Variants in DLGAP4 observed in about 807,000 individuals in gnomAD.
The protein encoded by DLGAP4 is disks large-associated protein 4.
Under a neutral mutation model 86.9 loss-of-function variants are expected in DLGAP4, and 18 were observed. The observed-to-expected ratio is 0.21, with a 90% confidence interval of 0.14 to 0.31. The LOEUF (loss-of-function observed/expected upper bound fraction) is 0.31. DLGAP4 is among the 10% of genes least tolerant of loss of function. DLGAP4 has a pLI of 1.00. For synonymous variants in DLGAP4, 548 were observed against 574.3 expected, an observed-to-expected ratio of 0.95 and a Z score of 0.65; for missense variants, 1,085 against 1,362.6, an observed-to-expected ratio of 0.80 and a Z score of 3.21.
At chr20:36,479,234 A>G (rs1271658030) in intron 7 of DLGAP4, among the ~76,000 whole-genome samples, 1 of 151,994 alleles carries the variant, frequency 6.6e-6, no homozygotes, top group Non-Finnish European at 1.5e-5. Context: ...CTGCTTGCCA[A>G]GTTGTCTCTT....
At chr20:36,342,786 G>T (rs1191091267) in intron 1 of DLGAP4, among the ~76,000 whole-genome samples, 1 of 152,210 alleles carries the variant, frequency 6.6e-6, no homozygotes, top group Non-Finnish European at 1.5e-5. Context: ...GAAATCAAAA[G>T]CCAGAACTAG....
At chr20:36,368,205 C>G (rs982992973) in intron 2 of DLGAP4, among the ~76,000 whole-genome samples, 1 of 152,196 alleles carries the variant, frequency 6.6e-6, no homozygotes, top group African/African-American at 2.4e-5. Context: ...ACCAGCAGGA[C>G]CTGAGCGCCT....
At chr20:36,369,768 A>G (rs1382120370) in intron 2 of DLGAP4, among the ~76,000 whole-genome samples, 1 of 151,990 alleles carries the variant, frequency 6.6e-6, no homozygotes, top group African/African-American at 2.4e-5. Flanking sequence ...TGTGCACTTT[A>G]CTCTTTCTAT....
chr20:36,350,558 C>T lies in DLGAP4; in HGVS notation c.-303-16487C>T, dbSNP rs543117147. The stretch of plus-strand genomic sequence containing the variant: ...GCCTGATAGTGTCCATCTGTCATTT[C>T]CCTGGGGTGAATCAGATGATACAAT... On this transcript the variant is annotated intron_variant, in intron 1 of 12. Transcript: ENST00000339266. This position sits in a 1 kb window ranked among gnomAD's most constrained non-coding sequence, Gnocchi z 4.4. 2.6e-5 allele frequency among the ~76,000 whole-genome samples: 4 copies of T among 152,322 alleles called. No homozygotes were observed. The East Asian group carries it at 5.8e-4, about 22-fold the overall frequency.
intron 4 of DLGAP4, 53 bp downstream of exon 4, chr20:36,436,403 C>T: frequency 6.6e-7 from 1 of 1,515,910 alleles, no homozygotes; most frequent in Non-Finnish European, 8.8e-7. Flanking sequence ...GCCCCGCCCA[C>T]TACGAGTCTT....
intron 2 of DLGAP4, among the ~76,000 whole-genome samples, chr20:36,380,667 C>G (rs986213922): frequency 1.4e-5 from 2 of 140,696 alleles, no homozygotes; most frequent in South Asian, 4.4e-4. Flanking sequence ...GAGAGAGAAT[C>G]TCAGAGGCAG....
At chr20:36,517,642 A>C (rs1029460369) in intron 10 of DLGAP4, among the ~76,000 whole-genome samples, 2 of 152,052 alleles carry the variant, frequency 1.3e-5, no homozygotes, top group African/African-American at 4.8e-5. Flanking sequence ...GGTTGGGAGA[A>C]GTCAGCTTGT....
At chr20:36,439,681 G>A in intron 4 of DLGAP4, 73 bp from the exon 5 acceptor site, 1 of 1,332,484 alleles carries the variant, frequency 7.5e-7, no homozygotes, top group South Asian at 1.2e-5. Context: ...GTGCATCACA[G>A]ATGGTCAAGG....
At chr20:36,400,215 G>A (rs186762754) in intron 2 of DLGAP4, among the ~76,000 whole-genome samples, 218 of 152,304 alleles carry the variant, frequency 1.4e-3, no homozygotes, top group Admixed American at 4.1e-3. Flanking sequence ...TTCTTCTGTT[G>A]GTTCAGAATT....
chr20:36,439,334 G>C (rs2033378438), intron 4 of DLGAP4, among the ~76,000 whole-genome samples: 1 of 152,324 alleles, frequency 6.6e-6, no homozygotes, highest in East Asian at 1.9e-4. Flanking sequence ...TAAGCTATTG[G>C]ATGCTTGGAT....
At chr20:36,437,782 G>A (rs2033330023) in intron 4 of DLGAP4, among the ~76,000 whole-genome samples, 1 of 152,202 alleles carries the variant, frequency 6.6e-6, no homozygotes, top group Admixed American at 6.5e-5. Context: ...GAAGAGGGCA[G>A]TGTTCTCAGA....
chr20:36,332,153 A>T (rs1555891611), intron 1 of DLGAP4, among the ~76,000 whole-genome samples: 1 of 152,110 alleles, frequency 6.6e-6, no homozygotes, highest in Non-Finnish European at 1.5e-5. Flanking sequence ...GCCCAGGAGA[A>T]GGCTGGGCCA....
chr20:36,458,797 G>A (rs1276186812), intron 7 of DLGAP4, among the ~76,000 whole-genome samples: 1 of 152,196 alleles, frequency 6.6e-6, no homozygotes, highest in African/African-American at 2.4e-5. Context: ...GAATACCAGG[G>A]TGATGATGGT....
intron 2 of DLGAP4, among the ~76,000 whole-genome samples, chr20:36,389,673 G>A (rs1334961127): frequency 6.6e-6 from 1 of 152,070 alleles, no homozygotes; most frequent in Non-Finnish European, 1.5e-5. Flanking sequence ...TAAGAGAAAA[G>A]GAGAAAAGAA....
intron 2 of DLGAP4, among the ~76,000 whole-genome samples, chr20:36,417,366 TG>T (rs1375309378): frequency 3.7e-5 from 1 of 27,078 alleles, no homozygotes; most frequent in African/African-American, 1.1e-4. Context: ...GTTTGAGTTT[TG>T]TTTTTGTTTT....
chr20:36,311,569 T>C (rs1034063847), intron 1 of DLGAP4, among the ~76,000 whole-genome samples: 4 of 152,210 alleles, frequency 2.6e-5, no homozygotes, highest in African/African-American at 9.6e-5. Flanking sequence ...TAGCATTTCT[T>C]TTCATTCATT....
intron 7 of DLGAP4, among the ~76,000 whole-genome samples, chr20:36,482,602 C>T (rs1024749258): frequency 2.0e-5 from 3 of 152,240 alleles, no homozygotes; most frequent in South Asian, 2.1e-4. Context: ...GGGCTGGAGC[C>T]GAGGCAGCTT....
At position 36,446,864 on chromosome 20, in the gene DLGAP4, G is replaced by C. The variant is rs1474120559; in HGVS notation, c.1575G>C (p.Glu525Asp). Residue 525 changes from glutamate (E) to aspartate (D), a missense_variant, in exon 7 of 13, where the codon GAG becomes GAC. Glu to Asp is a conservative substitution (Grantham distance 45). Coordinates refer to ENST00000339266, the MANE Select transcript of DLGAP4 (RefSeq NM_001365621.2). Reference sequence around the variant, plus strand: ...TCCAGGCAGGCTGCTCGCAGGAGGAGGACAGTGTCTCCCTGCAGTCCCTCT... The same window carrying C: ...TCCAGGCAGGCTGCTCGCAGGAGGACGACAGTGTCTCCCTGCAGTCCCTCT... Reference protein sequence around the residue: ...RAIQAGCSQEEDSVSLQSLSP... With the variant: ...RAIQAGCSQEDDSVSLQSLSP... 6.2e-7 allele frequency: 1 copy of C among 1,613,310 alleles called. No individual in the cohort carries two copies. The highest frequency in any genetic ancestry group is 1.1e-5 in the South Asian group (1 of 91,034).
chr20:36,357,567 G>A (rs781840745), intron 1 of DLGAP4, among the ~76,000 whole-genome samples: 1 of 152,216 alleles, frequency 6.6e-6, no homozygotes, highest in African/African-American at 2.4e-5. Flanking sequence ...GTGTGAACAA[G>A]GGGACATAGA....
Sources: gnomAD v4.1 joint callset for allele counts (sites outside exome capture counted in the v4.1 genomes callset) on GRCh38, gnomAD v4.1.1 for gene constraint, Gnocchi (gnomAD v3.1) non-coding constraint, MANE v1.5 for transcripts, NCBI Gene and HGNC (gene_info 2026-07-23, HGNC 2026-07-21) for gene names.